The following SLC14A2 variants were observed in gnomAD, a reference collection of about 807,000 sequenced individuals.
The protein encoded by SLC14A2 is urea transporter 2.
In SLC14A2, 91 loss-of-function variants were observed where a neutral mutation model predicts 104.6. The ratio of observed to expected loss-of-function variants is 0.87; its 90% CI spans 0.73 to 1.04. The LOEUF is 1.04. Among genes scored for constraint, SLC14A2 ranks in the 50% least tolerant of loss-of-function variants. The pLI is 0.00. For missense variants in SLC14A2, 1,189 were observed against 1,156.0 expected, an observed-to-expected ratio of 1.03 and a Z score of -0.41; for synonymous variants, 476 against 466.4, an observed-to-expected ratio of 1.02 and a Z score of -0.27.
chr18:45,208,319 G>C (rs1032710574), upstream of SLC14A2, among the ~76,000 whole-genome samples: 2 of 152,100 alleles, frequency 1.3e-5, no homozygotes, highest in Non-Finnish European at 2.9e-5. Context: ...AAGCTTTGTC[G>C]TGATAAAGTT....
At chr18:45,391,545 G>A in intron 1 of SLC14A2, among the ~76,000 whole-genome samples, 1 of 152,184 alleles carries the variant, frequency 6.6e-6, no homozygotes, top group Non-Finnish European at 1.5e-5. Flanking sequence ...CCCACCAACA[G>A]TGTAAAAGTG....
chr18:45,369,604 T>C (rs1471147787), intron 1 of SLC14A2, among the ~76,000 whole-genome samples: 1 of 152,232 alleles, frequency 6.6e-6, no homozygotes, highest in East Asian at 1.9e-4. Flanking sequence ...TATTCTATAG[T>C]GCTTTCATTT....
intron 1 of SLC14A2, among the ~76,000 whole-genome samples, chr18:45,449,949 C>A (rs2086831554): frequency 6.6e-6 from 1 of 152,258 alleles, no homozygotes; most frequent in Non-Finnish European, 1.5e-5. Context: ...AGAGCTGGGA[C>A]ACAGAGAAGA....
At chr18:45,312,096 G>C (rs999233105) in intron 1 of SLC14A2, among the ~76,000 whole-genome samples, 1 of 152,190 alleles carries the variant, frequency 6.6e-6, no homozygotes, top group Non-Finnish European at 1.5e-5. Flanking sequence ...CTTACAAGCT[G>C]TGTGACTATG....
chr18:45,478,102 GC>G (rs1555694096), intron 1 of SLC14A2, among the ~76,000 whole-genome samples: 1 of 152,174 alleles, frequency 6.6e-6, no homozygotes, highest in Non-Finnish European at 1.5e-5. Flanking sequence ...GAAACCCAGG[GC>G]CCCGGTGGTG....
At chr18:45,268,674 G>T (rs1475365756) in intron 1 of SLC14A2, among the ~76,000 whole-genome samples, 2 of 152,204 alleles carry the variant, frequency 1.3e-5, no homozygotes, top group African/African-American at 4.8e-5. Context: ...TTGACTCAAA[G>T]GTAGTGGACA....
At chr18:45,573,331 G>GAGAT (rs1397595119) in intron 2 of SLC14A2, among the ~76,000 whole-genome samples, 2 of 152,178 alleles carry the variant, frequency 1.3e-5, no homozygotes, top group Admixed American at 6.6e-5. Flanking sequence ...TGAAAGAAGA[G>GAGAT]AGATAGAAAC....
chr18:45,339,212 C>A (rs1286216240), intron 1 of SLC14A2, among the ~76,000 whole-genome samples: 1 of 152,192 alleles, frequency 6.6e-6, no homozygotes, highest in Non-Finnish European at 1.5e-5. Flanking sequence ...GATCTGCCCA[C>A]CTCTGCCTCC....
At chr18:45,296,895 A>G (rs1309475832) in intron 1 of SLC14A2, among the ~76,000 whole-genome samples, 2 of 151,980 alleles carry the variant, frequency 1.3e-5, no homozygotes, top group Non-Finnish European at 2.9e-5. Context: ...TGTTCTTTTC[A>G]TGTTTATTGT....
At chr18:45,428,835 A>G (rs1163796216) in intron 1 of SLC14A2, among the ~76,000 whole-genome samples, 1 of 152,238 alleles carries the variant, frequency 6.6e-6, no homozygotes, top group East Asian at 1.9e-4. Flanking sequence ...AGTACAGAGA[A>G]CATACAAATT....
intron 1 of SLC14A2, among the ~76,000 whole-genome samples, chr18:45,428,059 G>C (rs2086460556): frequency 6.6e-6 from 1 of 152,136 alleles, no homozygotes; most frequent in Non-Finnish European, 1.5e-5. Flanking sequence ...TTGGACTGAA[G>C]GCCACTCATT....
At chr18:45,382,067 T>C (rs1386592223) in intron 1 of SLC14A2, among the ~76,000 whole-genome samples, 2 of 152,126 alleles carry the variant, frequency 1.3e-5, no homozygotes, top group African/African-American at 4.8e-5. Context: ...AGGGCCTCAA[T>C]CTCCTGTACA....
chr18:45,306,291 A>G (rs2085020340), intron 1 of SLC14A2, among the ~76,000 whole-genome samples: 1 of 152,186 alleles, frequency 6.6e-6, no homozygotes, highest in South Asian at 2.1e-4. Context: ...TAAGGGCCAT[A>G]AAGGTACCTC....
At chr18:45,210,501 C>A (rs546413774), upstream of SLC14A2, among the ~76,000 whole-genome samples, 93 of 152,248 alleles carry the variant, frequency 6.1e-4, no homozygotes, top group African/African-American at 2.1e-3. Context: ...ATTGCTTGAA[C>A]CCAGGAGTTC....
intron 8 of SLC14A2, among the ~76,000 whole-genome samples, chr18:45,641,702 T>G (rs1022374347): frequency 3.3e-5 from 5 of 152,350 alleles, no homozygotes; most frequent in Non-Finnish European, 5.9e-5. Context: ...GTATAGAAGA[T>G]ACCATGGTGA....
intron 1 of SLC14A2, among the ~76,000 whole-genome samples, chr18:45,375,294 A>C (rs1368521161): frequency 6.6e-6 from 1 of 152,220 alleles, no homozygotes; most frequent in African/African-American, 2.4e-5. Flanking sequence ...TGGAGGCTAA[A>C]AGATTCTGAC....
At chr18:45,299,105 T>C (rs2084943407) in intron 1 of SLC14A2, among the ~76,000 whole-genome samples, 1 of 152,232 alleles carries the variant, frequency 6.6e-6, no homozygotes, top group African/African-American at 2.4e-5. Flanking sequence ...GCATTCAGCC[T>C]GGGTTCTGAA....
intron 1 of SLC14A2, among the ~76,000 whole-genome samples, chr18:45,405,877 C>T (rs189042040): frequency 1.5e-4 from 21 of 140,906 alleles, no homozygotes; most frequent in East Asian, 4.1e-4. Context: ...CCAGCCTGTG[C>T]GACAGGGAGA....
chr18:45,391,901 C>G (rs2085972507), intron 1 of SLC14A2, among the ~76,000 whole-genome samples: 1 of 152,168 alleles, frequency 6.6e-6, no homozygotes, highest in Non-Finnish European at 1.5e-5. Context: ...ATGGTGGTTT[C>G]TTTTGCTGTG....
Sources: gnomAD v4.1 joint callset for allele counts (sites outside exome capture counted in the v4.1 genomes callset) on GRCh38, gnomAD v4.1.1 for gene constraint, MANE v1.5 for transcripts, NCBI Gene and HGNC (gene_info 2026-07-23, HGNC 2026-07-21) for gene names.